The following ULBP1 variants were observed in gnomAD, a reference collection of about 807,000 sequenced individuals.
ULBP1 encodes the protein UL16-binding protein 1.
In ULBP1, 28 loss-of-function variants were observed where a neutral mutation model predicts 25.3. The observed-to-expected ratio is 1.10, with a 90% CI of 0.82 to 1.51. The LOEUF (loss-of-function observed/expected upper bound fraction) is 1.51. Among genes scored for constraint, ULBP1 ranks in the 40% most tolerant of loss-of-function variants. ULBP1 has a pLI of 0.00. For missense variants in ULBP1, 348 were observed against 290.9 expected (o/e 1.20, Z -1.43); for synonymous variants, 129 against 103.0 (o/e 1.25, Z -1.53).
intron 1 of ULBP1, among the ~76,000 whole-genome samples, chr6:149,966,187 CTG>C (rs1779202367): frequency 6.6e-6 from 1 of 151,650 alleles, no homozygotes; most frequent in Non-Finnish European, 1.5e-5. Flanking sequence ...AGTTCTCTGT[CTG>C]TGTGTCAAGT....
Position 149,968,604 on chromosome 6 carries a change from C to T in ULBP1, c.86-3C>T. On this transcript the variant is annotated splice_polypyrimidine_tract_variant and splice_region_variant and intron_variant, in intron 1 of 4. Transcript: ENST00000229708. Reference sequence around the variant, plus strand: ...AACCCCCTCCTGTGTTTTTCTTCCACAGACACACACTGTCTTTGCTATGAC... The same window carrying T: ...AACCCCCTCCTGTGTTTTTCTTCCATAGACACACACTGTCTTTGCTATGAC... 1.3e-6 allele frequency: 2 copies of T among 1,598,470 alleles called. No individual in the cohort carries two copies. The highest frequency in any genetic ancestry group is 1.1e-5 in the South Asian group (1 of 89,918).
chr6:149,965,345 C>A (rs1239969234), intron 1 of ULBP1, among the ~76,000 whole-genome samples: 2 of 151,456 alleles, frequency 1.3e-5, no homozygotes, highest in African/African-American at 4.9e-5. Flanking sequence ...TGAAGGCACT[C>A]AGTTCCCCTC....
At chr6:149,969,933 A>G (rs1779283353) in intron 3 of ULBP1, 83 bp from the exon 4 acceptor site, 1 of 1,513,328 alleles carries the variant, frequency 6.6e-7, no homozygotes, top group Non-Finnish European at 8.9e-7. Context: ...TTCCAGGATG[A>G]CCTGGGGTGG....
At chr6:149,964,950 C>T (rs903805183) in intron 1 of ULBP1, among the ~76,000 whole-genome samples, 5 of 145,208 alleles carry the variant, frequency 3.4e-5, no homozygotes, top group African/African-American at 5.1e-5. Context: ...TCTCCCCGAA[C>T]ATCGCGATCT....
rs764245499 is a variant in ULBP1 at position 149,969,375 on chromosome 6, G to A, written c.625+15G>A. 1.9e-6 allele frequency: 3 copies of A among 1,609,742 alleles called. No individual in the cohort carries two copies. Among genetic ancestry groups the A allele is most frequent in the African/African-American group, 2.7e-5 (2 of 74,950 alleles). ...GGATCCAACAAGTAAGTGAGAGGGG[G>A]ATAAATGGAAGCTGTCTCGAGTTCA... On this transcript the variant is annotated intron_variant, in intron 3 of 4. Coordinates refer to ENST00000229708, the MANE Select transcript of ULBP1 (RefSeq NM_025218.4).
intron 1 of ULBP1, 83 bp from the exon 2 acceptor site, chr6:149,968,524 C>T (rs529066926): frequency 8.9e-5 from 136 of 1,524,138 alleles, no homozygotes; most frequent in East Asian, 1.8e-4. Flanking sequence ...GAGGCCTTCA[C>T]TTGCAGTCAC....
rs1364365653 is a variant in ULBP1, at chr6:149,970,086, T to C, written c.696T>C (p.Leu232=). ...CCACCACCCTCAGTCCCTGGAGCCTTCTCATCATCTTCCTCTGCTTCATTC... is the reference window on the plus strand; with the variant it reads ...CCACCACCCTCAGTCCCTGGAGCCTCCTCATCATCTTCCTCTGCTTCATTC... ...AMATTLSPWS[L]LIIFLCFILA... Residue 232 remains leucine (L), a synonymous_variant, in exon 4 of 5, where the codon CTT becomes CTC. Coordinates refer to ENST00000229708, the MANE Select transcript of ULBP1 (RefSeq NM_025218.4). The C allele has an allele frequency of 2.5e-6, 4 of 1,612,996 alleles. No individual in the cohort carries two copies. Among genetic ancestry groups the C allele is most frequent in the Non-Finnish European group, 2.5e-6 (3 of 1,179,584 alleles).
At position 149,964,125 on chromosome 6, in the gene ULBP1, G is replaced by A. The variant is rs764192135; in HGVS notation, c.76G>A (p.Gly26Arg). 7.4e-6 allele frequency: 12 copies of A among 1,614,102 alleles called. No homozygotes were observed. The highest frequency in any genetic ancestry group is 1.0e-5 in the Non-Finnish European group (12 of 1,180,038). ...LHLLSGWSRA[G>R]WVDTHCLCYD... The stretch of plus-strand genomic sequence containing the variant: ...CCTGCTGTCTGGCTGGTCCCGGGCA[G>A]GATGGGTCGGTGAGTTCGGGGATGT... Residue 26 changes from glycine to arginine, a missense_variant, in exon 1 of 5, where the codon GGA (glycine) becomes AGA (arginine). By Grantham distance (125) the Gly-to-Arg change is moderately radical. Coordinates refer to ENST00000229708, the MANE Select transcript of ULBP1 (RefSeq NM_025218.4).
chr6:149,964,091 G>A lies in ULBP1; in HGVS notation c.42G>A (p.Pro14=). The stretch of plus-strand genomic sequence containing the variant: ...GCCCCGCGTTCCTTCTGTGCCTCCC[G>A]CTTCTGCACCTGCTGTCTGGCTGGT... ...AASPAFLLCL[P]LLHLLSGWSR... The change falls in exon 1 of 5, where the codon CCG becomes CCA. Residue 14 remains proline (P), a synonymous_variant. Transcript: ENST00000229708. 1 of 1,614,226 alleles carries A rather than the reference G, an allele frequency of 6.2e-7. No homozygotes were observed. Among genetic ancestry groups the A allele is most frequent in the Non-Finnish European group, 8.5e-7 (1 of 1,180,040 alleles).
In ULBP1 at chr6:149,971,791, G is replaced by A. The variant is rs1386186803; in HGVS notation, c.*445G>A. On this transcript the variant is annotated 3_prime_UTR_variant, in exon 5 of 5. Coordinates refer to ENST00000229708, the MANE Select transcript of ULBP1 (RefSeq NM_025218.4). The stretch of plus-strand genomic sequence containing the variant: ...GACTTCAGACCTCAGGGATCCTTTT[G>A]ATGCACTGACCAGGAATTGTGATAA... 1 of 152,128 alleles carries A rather than the reference G, an allele frequency of 6.6e-6. No individual in the cohort carries two copies. Among genetic ancestry groups the A allele is most frequent in the African/African-American group, 2.4e-5 (1 of 41,404 alleles). 9.4% of individuals were successfully genotyped at this position (152,128 alleles called of 1,614,324 possible).
At chr6:149,964,310 C>A (rs1267605159) in intron 1 of ULBP1, among the ~76,000 whole-genome samples, 176 bp downstream of exon 1, 1 of 151,302 alleles carries the variant, frequency 6.6e-6, no homozygotes, top group Non-Finnish European at 1.5e-5. Flanking sequence ...CCCCGAACAT[C>A]GCGGTGCCCC....
chr6:149,964,189 G>T, intron 1 of ULBP1, 55 bp downstream of exon 1: 1 of 1,598,136 alleles, frequency 6.3e-7, no homozygotes, highest in Non-Finnish European at 8.6e-7. Context: ...GGAGGTTGTG[G>T]ACTGCAGCGG....
At position 149,970,064 on chromosome 6, in the gene ULBP1, C is replaced by G. The variant is rs1779286575; in HGVS notation, c.674C>G (p.Thr225Ser). Residue 225 changes from threonine (T) to serine (S), a missense_variant, in exon 4 of 5, where the codon ACC becomes AGC. Transcript: ENST00000229708. ...ACAACCCAACCCAAGGCCATGGCCA[C>G]CACCCTCAGTCCCTGGAGCCTTCTC... ...PGTTQPKAMA[T>S]TLSPWSLLII... 6 of 1,613,444 alleles carry G rather than the reference C, an allele frequency of 3.7e-6. No homozygotes were observed. The highest frequency in any genetic ancestry group is 5.1e-6 in the Non-Finnish European group (6 of 1,179,842).
intron 1 of ULBP1, among the ~76,000 whole-genome samples, chr6:149,964,654 G>T (rs1779165652): frequency 6.9e-6 from 1 of 144,400 alleles, no homozygotes; most frequent in African/African-American, 2.6e-5. Flanking sequence ...AACATGCCCG[G>T]CTGAAGGCAC....
chr6:149,966,478 T>G (rs965317970), intron 1 of ULBP1, among the ~76,000 whole-genome samples: 7 of 152,122 alleles, frequency 4.6e-5, no homozygotes, highest in African/African-American at 1.7e-4. Flanking sequence ...TGCTGCTGGG[T>G]GGCATCATAG....
rs773263591 is a variant in ULBP1, at chr6:149,968,659, A to G, written c.138A>G (p.Glu46=). 6.2e-7 allele frequency: 1 copy of G among 1,613,970 alleles called. No homozygotes were observed. Among genetic ancestry groups the G allele is most frequent in the South Asian group, 1.1e-5 (1 of 91,068 alleles). ...DFIITPKSRP[E]PQWCEVQGLV... Reference sequence around the variant, plus strand: ...TCATCACTCCTAAGTCCAGACCTGAACCACAGTGGTGTGAAGTTCAAGGCC... The same window carrying G: ...TCATCACTCCTAAGTCCAGACCTGAGCCACAGTGGTGTGAAGTTCAAGGCC... Residue 46 remains glutamate (E), a synonymous_variant, in exon 2 of 5, where the codon GAA becomes GAG. Transcript: ENST00000229708.
In ULBP1 at chr6:149,972,287, A is replaced by G. The variant is rs1284969721; in HGVS notation, c.*941A>G. 6.6e-6 allele frequency: 1 copy of G among 152,212 alleles called. No homozygotes were observed. Among genetic ancestry groups the G allele is most frequent in the Non-Finnish European group, 1.5e-5 (1 of 68,046 alleles). The allele number at this position is 152,212 out of a possible 1,614,324, so 9.4% of individuals were successfully genotyped here. On this transcript the variant is annotated 3_prime_UTR_variant, in exon 5 of 5. Transcript: ENST00000229708. ...CTCCCTATTCGAAAATTAGTGCTGG[A>G]ATATCTGGCCAACCATATGCAGAAG...
Position 149,966,395 on chromosome 6 carries a change from G to A in ULBP1, c.86-2212G>A, listed in dbSNP as rs558767912. 2.0e-5 allele frequency among the ~76,000 whole-genome samples: 3 copies of A among 152,264 alleles called. No homozygotes were observed. In the East Asian group the frequency reaches 5.8e-4, roughly 29 times the overall value. ...CACAAGTGTGTCCTACCCTGCCTGTGGCTTCTGGGTGGTGTGGATGTGATG... is the reference window on the plus strand; with the variant it reads ...CACAAGTGTGTCCTACCCTGCCTGTAGCTTCTGGGTGGTGTGGATGTGATG... On this transcript the variant is annotated intron_variant, in intron 1 of 4. Coordinates refer to ENST00000229708, the MANE Select transcript of ULBP1 (RefSeq NM_025218.4).
intron 2 of ULBP1, 74 bp downstream of exon 2, chr6:149,968,944 A>T: frequency 6.4e-7 from 1 of 1,559,446 alleles, no homozygotes; most frequent in Admixed American, 1.9e-5. Context: ...ATGAAAAATA[A>T]ATCAGAAGTT....
Sources: allele counts gnomAD v4.1 joint callset (sites outside exome capture counted in the v4.1 genomes callset), GRCh38; gene constraint gnomAD v4.1.1; transcripts MANE v1.5; gene names NCBI Gene and HGNC (gene_info 2026-07-23, HGNC 2026-07-21).